Variants in NUP214 observed in about 807,000 individuals in gnomAD.
The protein encoded by NUP214 is nucleoporin 214, also known as nuclear pore complex protein Nup214.
A neutral mutation model predicts 196.2 loss-of-function variants in NUP214; 79 were observed. The observed-to-expected ratio is 0.40, with a 90% CI of 0.34 to 0.49. The LOEUF (loss-of-function observed/expected upper bound fraction) is 0.49. Among genes scored for constraint, NUP214 ranks in the 20% least tolerant of loss-of-function variants. The pLI is 0.58. For missense variants in NUP214, 2,468 were observed against 2,539.0 expected (o/e 0.97, Z 0.60); for synonymous variants, 1,020 against 990.5 (o/e 1.03, Z -0.56).
intron 9 of NUP214, among the ~76,000 whole-genome samples, chr9:131,137,948 T>G (rs1831788336): frequency 6.6e-6 from 1 of 152,230 alleles, no homozygotes; most frequent in Non-Finnish European, 1.5e-5. Context: ...CGTCTTCTCT[T>G]TTGTAAAATT....
intron 9 of NUP214, among the ~76,000 whole-genome samples, chr9:131,136,988 G>C (rs903477400): frequency 6.6e-6 from 1 of 152,178 alleles, no homozygotes; most frequent in African/African-American, 2.4e-5. Flanking sequence ...TCAACCATTG[G>C]CATTTATCTG....
intron 10 of NUP214, 30 bp from the exon 11 acceptor site, chr9:131,140,519 T>C (rs758201017): frequency 6.3e-7 from 1 of 1,587,066 alleles, no homozygotes; most frequent in Admixed American, 1.9e-5. Context: ...ATTCACTTGG[T>C]TTTTTTATTT....
chr9:131,146,403 A>AT lies in NUP214; in HGVS notation c.1945+105dup. 2 of 1,215,474 alleles carry AT rather than the reference A, an allele frequency of 1.6e-6. No homozygotes were observed. Among genetic ancestry groups the AT allele is most frequent in the Non-Finnish European group, 2.4e-6 (2 of 850,956 alleles). The allele number at this position is 1,215,474 out of a possible 1,614,324, so 75.3% of individuals were successfully genotyped here. On this transcript the variant is annotated intron_variant, in intron 13 of 35. Transcript: ENST00000359428. The surrounding 1 kb of genome is among the most constrained non-coding windows in gnomAD (Gnocchi z 4.6). ...GTAGCTAACATAGTTGGACAAGGTT[A>AT]TTTTTTCTTGCTTCCTGTATCATAC... is the stretch of plus-strand genomic sequence containing the variant.
At chr9:131,161,518 G>A (rs1360328446) in intron 18 of NUP214, among the ~76,000 whole-genome samples, 3 of 152,042 alleles carry the variant, frequency 2.0e-5, no homozygotes, top group Admixed American at 6.6e-5. Context: ...CGCCCTCCCA[G>A]AGTGCTGGGA....
At position 131,144,518 on chromosome 9, in the gene NUP214, A is replaced by G; in HGVS notation, c.1533A>G (p.Ala511=). The change falls in exon 12 of 36, where the codon GCA becomes GCG. Residue 511 remains alanine (A), a synonymous_variant. Transcript: ENST00000359428. ...SYSSGSDSSK[A]APGPGPSTFS... ...CCAGTGGCTCCGACAGCTCCAAAGC[A>G]GCCCCAGGCCCTGGCCCATCAACCT... 1 of 1,614,182 alleles carries G rather than the reference A, an allele frequency of 6.2e-7. No homozygotes were observed. The highest frequency in any genetic ancestry group is 8.5e-7 in the Non-Finnish European group (1 of 1,180,028).
chr9:131,223,270 G>A (rs965401035), intron 32 of NUP214, among the ~76,000 whole-genome samples: 6 of 152,016 alleles, frequency 3.9e-5, no homozygotes, highest in Middle Eastern at 3.4e-3. Flanking sequence ...TGGTTCAAGC[G>A]ATTCTCCTGC....
chr9:131,131,201 CTA>C lies in NUP214; in HGVS notation c.663+367_663+368del, dbSNP rs1298263816. Among the ~76,000 whole-genome samples, 4 of 152,172 alleles carry C rather than the reference CTA, an allele frequency of 2.6e-5. No individual in the cohort carries two copies. In the East Asian group the frequency reaches 7.7e-4, roughly 29 times the overall value. Reference sequence around the variant, plus strand: ...CAAGGGAAAAGAGTTAGTGAAAAAACTATGATGATAATGCAGAATCACTCTGG... The same window carrying C: ...CAAGGGAAAAGAGTTAGTGAAAAAACTGATGATAATGCAGAATCACTCTGG... On this transcript the variant is annotated intron_variant, in intron 5 of 35. Coordinates refer to ENST00000359428, the MANE Select transcript of NUP214 (RefSeq NM_005085.4).
Position 131,190,604 on chromosome 9 carries a change from G to C in NUP214, c.3574+1473G>C, listed in dbSNP as rs1213286087. The C allele has an allele frequency of 5.2e-5, 29 of 556,924 alleles. No individual in the cohort carries two copies. The Admixed American group carries it at 1.1e-3, about 20-fold the overall frequency. The allele number at this position is 556,924 out of a possible 1,614,324, so 34.5% of individuals were successfully genotyped here. A position where few individuals can be genotyped will look rare whatever the true frequency, so the allele number is the denominator to read the frequency against. On this transcript the variant is annotated intron_variant, in intron 26 of 35. Transcript: ENST00000359428. ...GCATTTCTAAAACCTCTAGAGAATA[G>C]TTCTCTTATTAGTAATGGAAATACC...
chr9:131,151,333 A>G (rs188074628), intron 16 of NUP214, among the ~76,000 whole-genome samples: 9 of 152,336 alleles, frequency 5.9e-5, no homozygotes, highest in Middle Eastern at 3.4e-3. Context: ...GGCTTAGGCA[A>G]ATTTGTCAAA....
chr9:131,188,101 C>T (rs1346528698), intron 25 of NUP214, among the ~76,000 whole-genome samples: 1 of 152,188 alleles, frequency 6.6e-6, no homozygotes, highest in Non-Finnish European at 1.5e-5. Flanking sequence ...ATGGTGGAAC[C>T]AGAGCTGGGA....
chr9:131,215,511 G>A (rs1834368040), intron 31 of NUP214, 143 bp downstream of exon 31: 2 of 936,166 alleles, frequency 2.1e-6, no homozygotes, highest in East Asian at 3.1e-5. Flanking sequence ...AAAGCAGTGT[G>A]ATCTGTTTTG....
At chr9:131,212,361 C>T (rs1221713663) in intron 30 of NUP214, among the ~76,000 whole-genome samples, 1 of 152,196 alleles carries the variant, frequency 6.6e-6, no homozygotes, top group Non-Finnish European at 1.5e-5. Context: ...GCCCTTGAAG[C>T]ATGTGATCTC....
rs761727520 is a variant in NUP214 at position 131,189,057 on chromosome 9, C to T, written c.3500C>T (p.Ser1167Phe). Reference protein sequence around the residue: ...PVAANQAKQGSLINSLKPSGP... With the variant: ...PVAANQAKQGFLINSLKPSGP... The stretch of plus-strand genomic sequence containing the variant: ...TTTGCTTGCATTCTGTTATAGGGGT[C>T]TCTAATAAATTCCCTTAAGCCATCT... Residue 1167 changes from serine to phenylalanine, a missense_variant, in exon 26 of 36, where the codon TCT (serine) becomes TTT (phenylalanine). Physicochemically the swap from Ser to Phe is radical, Grantham distance 155. Coordinates refer to ENST00000359428, the MANE Select transcript of NUP214 (RefSeq NM_005085.4). 5 of 1,612,842 alleles carry T rather than the reference C, an allele frequency of 3.1e-6. No homozygotes were observed. Among genetic ancestry groups the T allele is most frequent in the South Asian group, 1.1e-5 (1 of 91,056 alleles).
At chr9:131,147,689 A>G (rs1000168620) in intron 14 of NUP214, 105 bp downstream of exon 14, 6 of 866,166 alleles carry the variant, frequency 6.9e-6, no homozygotes, top group African/African-American at 3.4e-5. Flanking sequence ...GACCTTGGAC[A>G]TAGTAATTGG....
At chr9:131,220,967 A>T (rs1834539908) in intron 31 of NUP214, among the ~76,000 whole-genome samples, 2 of 152,178 alleles carry the variant, frequency 1.3e-5, no homozygotes, top group South Asian at 4.1e-4. Flanking sequence ...CCAAGAGGAG[A>T]TTCAACCCCA....
chr9:131,144,486 T>G lies in NUP214; in HGVS notation c.1501T>G (p.Ser501Ala). Residue 501 changes from serine (S) to alanine (A), a missense_variant, in exon 12 of 36, where the codon TCA becomes GCA. Physicochemically the swap from Ser to Ala is moderately conservative, Grantham distance 99. This residue lies in a region of NUP214 where 1,801 missense variants were observed against 1,779.4 expected (regional missense o/e 1.01). Coordinates refer to ENST00000359428, the MANE Select transcript of NUP214 (RefSeq NM_005085.4). ...TGCTACGGTCACTGGGGAGCCCCCTTCATATTCCAGTGGCTCCGACAGCTC... is the reference window on the plus strand; with the variant it reads ...TGCTACGGTCACTGGGGAGCCCCCTGCATATTCCAGTGGCTCCGACAGCTC... Reference protein sequence around the residue: ...SSATVTGEPPSYSSGSDSSKA... With the variant: ...SSATVTGEPPAYSSGSDSSKA... 1 of 1,614,196 alleles carries G rather than the reference T, an allele frequency of 6.2e-7. No homozygotes were observed. Among genetic ancestry groups the G allele is most frequent in the East Asian group, 2.2e-5 (1 of 44,890 alleles).
chr9:131,163,301 G>T, intron 19 of NUP214, 128 bp downstream of exon 19: 1 of 905,248 alleles, frequency 1.1e-6, no homozygotes, highest in South Asian at 1.9e-5. Flanking sequence ...TCCTGGTCAG[G>T]GTCCCACCCT....
At chr9:131,223,199 A>G (rs1422741129) in intron 32 of NUP214, among the ~76,000 whole-genome samples, 1 of 151,496 alleles carries the variant, frequency 6.6e-6, no homozygotes, top group African/African-American at 2.4e-5. Flanking sequence ...AGGGAGTCTC[A>G]ATCTGTCGCC....
chr9:131,159,288 T>C, intron 17 of NUP214, 95 bp from the exon 18 acceptor site: 1 of 778,858 alleles, frequency 1.3e-6, no homozygotes, highest in Admixed American at 2.4e-5. Context: ...GTTCTTAATA[T>C]AGAAGTATTT....
Sources: allele counts gnomAD v4.1 joint callset (sites outside exome capture counted in the v4.1 genomes callset), GRCh38; gene constraint gnomAD v4.1.1; regional missense constraint gnomAD v4.1.1; non-coding constraint Gnocchi (gnomAD v3.1); transcripts MANE v1.5; gene names NCBI Gene and HGNC (gene_info 2026-07-23, HGNC 2026-07-21).